The following RABL3 variants were observed in gnomAD, a reference collection of about 807,000 sequenced individuals.
The protein encoded by RABL3 is RAB, member of RAS oncogene family like 3.
RABL3 carries 31 observed loss-of-function variants against 31.8 expected under a neutral mutation model. That is an observed-to-expected ratio of 0.97 (90% CI 0.73 to 1.31). RABL3 has a LOEUF of 1.31. Among genes scored for constraint, RABL3 ranks in the 40% most tolerant of loss-of-function variants. RABL3 has a pLI of 0.00. For missense variants in RABL3, 263 were observed against 279.6 expected (o/e 0.94, Z 0.42); for synonymous variants, 97 against 99.9 (o/e 0.97, Z 0.18).
intron 2 of RABL3, among the ~76,000 whole-genome samples, chr3:120,721,379 G>A (rs1247850148): frequency 6.6e-6 from 1 of 152,130 alleles, no homozygotes; most frequent in Non-Finnish European, 1.5e-5. Flanking sequence ...CCAATTAAAA[G>A]ACACAGACTG....
intron 1 of RABL3, among the ~76,000 whole-genome samples, chr3:120,741,536 T>C (rs1197977965): frequency 1.3e-5 from 2 of 152,188 alleles, no homozygotes; most frequent in Non-Finnish European, 1.5e-5. Flanking sequence ...TCAGCATTTA[T>C]TGAAGTTACT....
At chr3:120,727,198 C>A (rs1337605297) in intron 2 of RABL3, among the ~76,000 whole-genome samples, 2 of 152,008 alleles carry the variant, frequency 1.3e-5, no homozygotes, top group African/African-American at 4.8e-5. Flanking sequence ...AACAAACATA[C>A]AATAGAGAAA....
intron 2 of RABL3, among the ~76,000 whole-genome samples, chr3:120,711,497 T>G (rs959012522): frequency 3.3e-5 from 5 of 152,152 alleles, no homozygotes; most frequent in Non-Finnish European, 5.9e-5. Flanking sequence ...CCTCCCTGTT[T>G]GTTTTCTATA....
intron 5 of RABL3, among the ~76,000 whole-genome samples, chr3:120,698,119 G>A (rs887706690): frequency 8.5e-5 from 13 of 152,254 alleles, no homozygotes; most frequent in South Asian, 2.1e-4. Context: ...AGCTGAGAAC[G>A]CGCCACTGCA....
chr3:120,735,522 G>A (rs192199105), intron 1 of RABL3, among the ~76,000 whole-genome samples: 7 of 151,896 alleles, frequency 4.6e-5, no homozygotes, highest in Admixed American at 3.3e-4. Flanking sequence ...TTTTTTGAAG[G>A]GTTTTTTGTG....
intron 2 of RABL3, among the ~76,000 whole-genome samples, chr3:120,718,051 T>C (rs11708525): frequency 0.28 from 41,924 of 151,990 alleles, 6,264 homozygotes; most frequent in Non-Finnish European, 0.33. Flanking sequence ...ATTCTTATTC[T>C]CAGACTGCTT....
Position 120,725,076 on chromosome 3 carries a change from T to A in RABL3, c.138+5620A>T, listed in dbSNP as rs529192328. The stretch of plus-strand genomic sequence containing the variant: ...TCTGACAAAGGGCTAATATCCAGAA[T>A]CTACAATGAACTCCAACAAATTTAC... On this transcript the variant is annotated intron_variant, in intron 2 of 7. Coordinates refer to ENST00000273375, the MANE Select transcript of RABL3 (RefSeq NM_173825.5). Among the ~76,000 whole-genome samples the A allele has an allele frequency of 2.3e-4, 33 of 143,810 alleles. No homozygotes were observed. The East Asian group carries it at 6.5e-3, about 28-fold the overall frequency. 94.3% of individuals were successfully genotyped at this position (143,810 alleles called of 152,430 possible). A position where few individuals can be genotyped will look rare whatever the true frequency, so the allele number is the denominator to read the frequency against.
At chr3:120,726,937 C>T (rs1708828585) in intron 2 of RABL3, among the ~76,000 whole-genome samples, 1 of 151,730 alleles carries the variant, frequency 6.6e-6, no homozygotes, top group African/African-American at 2.4e-5. Context: ...GCATATTCTA[C>T]ACAACCCATG....
At chr3:120,709,099 A>G (rs956545682) in intron 3 of RABL3, among the ~76,000 whole-genome samples, 7 of 152,058 alleles carry the variant, frequency 4.6e-5, no homozygotes, top group Non-Finnish European at 1.0e-4. Flanking sequence ...AGAAGTTGAA[A>G]TTATGTTTCA....
intron 2 of RABL3, among the ~76,000 whole-genome samples, chr3:120,724,486 T>C (rs1304993084): frequency 6.6e-6 from 1 of 152,198 alleles, no homozygotes; most frequent in Non-Finnish European, 1.5e-5. Context: ...AGAGCCCACA[T>C]TGCCAAGTCA....
chr3:120,737,455 G>A (rs1195809474), intron 1 of RABL3, among the ~76,000 whole-genome samples: 1 of 152,150 alleles, frequency 6.6e-6, no homozygotes, highest in African/African-American at 2.4e-5. Context: ...TAGCTTCTTT[G>A]CAATGGGTTT....
chr3:120,709,583 A>C (rs558637049), intron 3 of RABL3, among the ~76,000 whole-genome samples, 197 bp downstream of exon 3: 2 of 151,904 alleles, frequency 1.3e-5, no homozygotes, highest in Non-Finnish European at 3.0e-5. Context: ...AGAAACACTT[A>C]ATGTTTAATG....
At chr3:120,735,004 T>C (rs1708937898) in intron 1 of RABL3, among the ~76,000 whole-genome samples, 1 of 152,248 alleles carries the variant, frequency 6.6e-6, no homozygotes, top group Non-Finnish European at 1.5e-5. Context: ...TCTAAAATTC[T>C]CTTTTTTTGT....
At chr3:120,714,190 G>A (rs1229176736) in intron 2 of RABL3, among the ~76,000 whole-genome samples, 1 of 152,188 alleles carries the variant, frequency 6.6e-6, no homozygotes, top group African/African-American at 2.4e-5. Flanking sequence ...GGATATTGTA[G>A]ATGCTAATAA....
chr3:120,708,870 A>G (rs1708580617), intron 3 of RABL3, among the ~76,000 whole-genome samples: 1 of 152,040 alleles, frequency 6.6e-6, no homozygotes, highest in Non-Finnish European at 1.5e-5. Context: ...TATAATATGT[A>G]TCCAATGAAA....
chr3:120,718,270 T>C (rs1708693746), intron 2 of RABL3, among the ~76,000 whole-genome samples: 1 of 152,184 alleles, frequency 6.6e-6, no homozygotes, highest in Admixed American at 6.5e-5. Flanking sequence ...AATATTCTAA[T>C]TACCTTGGAG....
chr3:120,696,592 AAC>A (rs3037698), intron 5 of RABL3, among the ~76,000 whole-genome samples: 49,984 of 147,172 alleles, frequency 0.34, 9,166 homozygotes, highest in African/African-American at 0.46. Flanking sequence ...AAGTAGGAAT[AAC>A]ACACACACAC....
At chr3:120,720,741 A>G (rs1708729272) in intron 2 of RABL3, among the ~76,000 whole-genome samples, 1 of 152,238 alleles carries the variant, frequency 6.6e-6, no homozygotes. Flanking sequence ...GGAGAATGGA[A>G]CCAAGTTGGA....
chr3:120,693,070 A>AGAAAATG (rs1708398524), intron 6 of RABL3, among the ~76,000 whole-genome samples: 4 of 152,192 alleles, frequency 2.6e-5, no homozygotes, highest in Admixed American at 2.6e-4. Context: ...AGCACACTGG[A>AGAAAATG]GAAAATGGAA....
Sources: gnomAD v4.1 joint callset for allele counts (sites outside exome capture counted in the v4.1 genomes callset) on GRCh38, gnomAD v4.1.1 for gene constraint, MANE v1.5 for transcripts, NCBI Gene and HGNC (gene_info 2026-07-23, HGNC 2026-07-21) for gene names.